Variants in BAZ2A observed in about 807,000 individuals in gnomAD.
BAZ2A encodes the protein bromodomain adjacent to zinc finger domain protein 2A.
A neutral mutation model predicts 199.9 loss-of-function variants in BAZ2A; 34 were observed. The ratio of observed to expected loss-of-function variants is 0.17; its 90% confidence interval spans 0.13 to 0.23. The LOEUF (loss-of-function observed/expected upper bound fraction) is 0.23. Among genes scored for constraint, BAZ2A ranks in the 10% least tolerant of loss-of-function variants. BAZ2A has a pLI of 1.00. For synonymous variants in BAZ2A, 857 were observed against 883.9 expected (o/e 0.97, Z 0.54); for missense variants, 2,002 against 2,391.1 (o/e 0.84, Z 3.39).
chr12:56,627,860 G>C (rs561083369), intron 1 of BAZ2A, among the ~76,000 whole-genome samples: 1 of 147,262 alleles, frequency 6.8e-6, no homozygotes, highest in Admixed American at 6.8e-5. Context: ...AAAGAGAAAA[G>C]AAAAGAGAGA....
chr12:56,636,046 C>T (rs1050318158), intron 1 of BAZ2A: 7 of 1,100,566 alleles, frequency 6.4e-6, no homozygotes, highest in Admixed American at 2.3e-5. Context: ...GAGCCCTGTG[C>T]CCCCCGTCCC....
At position 56,606,256 on chromosome 12, in the gene BAZ2A, C is replaced by T. The variant is rs951567834; in HGVS notation, c.2250G>A (p.Lys750=). 6.2e-7 allele frequency: 1 copy of T among 1,614,026 alleles called. No individual in the cohort carries two copies. ...TTGTACATGCACCTACCTTGGATTT[C>T]TTCTTAGCTTCCTTCTGCTTTAAGC... is the stretch of plus-strand genomic sequence containing the variant. ...TKSLKQKEAK[K]KSKAEKEKGK... The change falls in exon 12 of 29, where the codon AAG becomes AAA. Residue 750 remains lysine, a synonymous_variant. Coordinates refer to ENST00000549884, the MANE Select transcript of BAZ2A (RefSeq NM_001300905.2).
At chr12:56,610,777 A>G (rs1401697932) in intron 7 of BAZ2A, among the ~76,000 whole-genome samples, 1 of 152,204 alleles carries the variant, frequency 6.6e-6, no homozygotes, top group African/African-American at 2.4e-5. Flanking sequence ...CCTTTACAAA[A>G]TCAGTGAGAT....
intron 1 of BAZ2A, among the ~76,000 whole-genome samples, chr12:56,625,855 G>T (rs1487744398): frequency 9.2e-5 from 11 of 119,484 alleles, no homozygotes; most frequent in Non-Finnish European, 1.3e-4. Context: ...CAGCCTGGGC[G>T]ACACAGCGAA....
At chr12:56,602,566 G>A in intron 19 of BAZ2A, 147 bp downstream of exon 19, 4 of 1,078,860 alleles carry the variant, frequency 3.7e-6, no homozygotes, top group Non-Finnish European at 5.2e-6. Context: ...GAGCAGGTGG[G>A]TAGGCAGCTT....
intron 1 of BAZ2A, among the ~76,000 whole-genome samples, chr12:56,623,064 G>C (rs1950971397): frequency 6.6e-6 from 1 of 151,994 alleles, no homozygotes; most frequent in African/African-American, 2.4e-5. Context: ...GTGAAACCCT[G>C]TCTCTACTAA....
rs1015949982 is a variant in BAZ2A at position 56,606,643 on chromosome 12, ATAG to A, written c.2180_2182del (p.Thr727del). The A allele has an allele frequency of 6.2e-7, 1 of 1,613,552 alleles. No homozygotes were observed. On this transcript the variant is annotated inframe_deletion, in exon 11 of 29. Coordinates refer to ENST00000549884, the MANE Select transcript of BAZ2A (RefSeq NM_001300905.2). The stretch of plus-strand genomic sequence containing the variant: ...TCTGATGTCCCTCACCTGCCCTTGG[ATAG>A]TAGTCTGACACTCTCCCCGTTGAAC...
chr12:56,606,772 G>T, intron 10 of BAZ2A, 39 bp from the exon 11 acceptor site: 1 of 1,562,484 alleles, frequency 6.4e-7, no homozygotes, highest in South Asian at 1.1e-5. Flanking sequence ...AGTGAGGCAG[G>T]AAGGCAGTTC....
chr12:56,599,102 T>C (rs776967306), intron 27 of BAZ2A, 27 bp downstream of exon 27: 3 of 1,600,994 alleles, frequency 1.9e-6, no homozygotes, highest in Admixed American at 1.7e-5. Context: ...TAGAGCCAAC[T>C]GTCCCCCCAG....
chr12:56,637,264 GCTT>G (rs1951470246), upstream of BAZ2A, among the ~76,000 whole-genome samples: 1 of 152,174 alleles, frequency 6.6e-6, no homozygotes, highest in Non-Finnish European at 1.5e-5. Context: ...GACCTTGCAC[GCTT>G]CTTTTAAATT....
upstream of BAZ2A, chr12:56,630,703 A>C (rs1347779306): frequency 1.1e-6 from 1 of 892,390 alleles, no homozygotes; most frequent in Non-Finnish European, 1.3e-6. Flanking sequence ...AAACGTGGAA[A>C]TAGAAAGGTT....
intron 1 of BAZ2A, among the ~76,000 whole-genome samples, chr12:56,618,197 C>T (rs759029589): frequency 4.6e-5 from 7 of 152,084 alleles, no homozygotes; most frequent in Non-Finnish European, 7.3e-5. Flanking sequence ...AGAAAAATGT[C>T]AGCAGTGGAA....
upstream of BAZ2A, among the ~76,000 whole-genome samples, chr12:56,634,176 G>T (rs578100186): frequency 2.6e-5 from 4 of 152,282 alleles, no homozygotes; most frequent in African/African-American, 9.6e-5. Context: ...CTTTGCATCT[G>T]AACAGAGAAG....
chr12:56,598,309 G>A lies in BAZ2A; in HGVS notation c.*309C>T, dbSNP rs566054542. The A allele has an allele frequency of 4.3e-5, 13 of 300,132 alleles. No homozygotes were observed. Among genetic ancestry groups the A allele is most frequent in the East Asian group, 8.1e-5 (1 of 12,402 alleles). 18.6% of individuals were successfully genotyped at this position (300,132 alleles called of 1,614,324 possible). On this transcript the variant is annotated 3_prime_UTR_variant, in exon 29 of 29. Coordinates refer to ENST00000549884, the MANE Select transcript of BAZ2A (RefSeq NM_001300905.2). ...GAAGCAGGGAGGAGGAAGTAGGGAC[G>A]ACTTTCCCCCTCCCCATTTTTAATT...
chr12:56,636,297 G>A (rs1221538209), exon 1 of BAZ2A: 1 of 1,519,360 alleles, frequency 6.6e-7, no homozygotes. Context: ...CTGGGAACTA[G>A]CAAGAATCAA....
At position 56,612,170 on chromosome 12, in the gene BAZ2A, T is replaced by A. The variant is rs1374714558; in HGVS notation, c.1212A>T (p.Pro404=). 1 of 1,613,642 alleles carries A rather than the reference T, an allele frequency of 6.2e-7. No individual in the cohort carries two copies. The highest frequency in any genetic ancestry group is 1.3e-5 in the African/African-American group (1 of 74,790). Residue 404 remains proline, a synonymous_variant, in exon 6 of 29, where the codon CCA becomes CCT. Transcript: ENST00000549884. ...EMETQSSDFP[P]SLTQPAPDQS... is the part of the protein sequence containing the mutation. ...GATCAGGAGCTGGCTGGGTCAGGGA[T>A]GGTGGGAAGTCTGAAGATTGAGTTT...
At position 56,614,999 on chromosome 12, in the gene BAZ2A, C is replaced by T; in HGVS notation, c.730+15G>A. On this transcript the variant is annotated intron_variant, in intron 3 of 28. Transcript: ENST00000549884. ...ATTTTTCCTTTCCCCACCCAGTTCACCAACCCAGTTATACCTGGCTGCTCT... is the reference window on the plus strand; with the variant it reads ...ATTTTTCCTTTCCCCACCCAGTTCATCAACCCAGTTATACCTGGCTGCTCT... 1 of 1,604,048 alleles carries T rather than the reference C, an allele frequency of 6.2e-7. No homozygotes were observed. Among genetic ancestry groups the T allele is most frequent in the Non-Finnish European group, 8.5e-7 (1 of 1,175,522 alleles).
intron 1 of BAZ2A, among the ~76,000 whole-genome samples, chr12:56,625,749 G>A (rs866450252): frequency 6.6e-5 from 10 of 151,386 alleles, no homozygotes; most frequent in Middle Eastern, 3.4e-3. Context: ...GGTGGCGCGC[G>A]CCTGTAGTCC....
intron 1 of BAZ2A, among the ~76,000 whole-genome samples, chr12:56,618,795 G>A (rs1001901213): frequency 6.6e-6 from 1 of 151,836 alleles, no homozygotes; most frequent in Admixed American, 6.6e-5. Context: ...GCTTGAACCC[G>A]CAAGGCAGAG....
Sources: allele counts gnomAD v4.1 joint callset (sites outside exome capture counted in the v4.1 genomes callset), GRCh38; gene constraint gnomAD v4.1.1; transcripts MANE v1.5; gene names NCBI Gene and HGNC (gene_info 2026-07-23, HGNC 2026-07-21).